NSD1: variants seen among roughly 807,000 people sequenced by gnomAD.
NSD1 encodes nuclear receptor binding SET domain protein 1, also known as histone-lysine N-methyltransferase, H3 lysine-36 specific.
NSD1 carries 26 observed loss-of-function variants against 242.7 expected under a neutral mutation model. The observed-to-expected ratio is 0.11, with a 90% CI of 0.08 to 0.15. The LOEUF is 0.15. NSD1 is among the 10% of genes least tolerant of loss of function. NSD1 has a pLI of 1.00. For missense variants in NSD1, 2,495 were observed against 3,272.8 expected (o/e 0.76, Z 5.80); for synonymous variants, 1,106 against 1,178.1 (o/e 0.94, Z 1.25).
At chr5:177,275,435 CTTTTTTT>C (rs749631943) in intron 17 of NSD1, among the ~76,000 whole-genome samples, 2 of 50,144 alleles carry the variant, frequency 4.0e-5, no homozygotes, top group Admixed American at 3.4e-4. Flanking sequence ...CTTCCCTTGT[CTTTTTTT>C]TTTTTTTTTT....
intron 3 of NSD1, among the ~76,000 whole-genome samples, chr5:177,203,199 A>C (rs1356816462): frequency 6.6e-6 from 1 of 152,106 alleles, no homozygotes; most frequent in Admixed American, 6.6e-5. Context: ...AAAGTGACAA[A>C]TTGTTAAACA....
intron 3 of NSD1, among the ~76,000 whole-genome samples, chr5:177,195,028 A>G (rs750447859): frequency 6.6e-5 from 10 of 151,988 alleles, no homozygotes; most frequent in Non-Finnish European, 1.2e-4. Flanking sequence ...GTGTGTTGGC[A>G]TGCTCCTACA....
intron 3 of NSD1, among the ~76,000 whole-genome samples, chr5:177,203,078 G>A (rs1762623781): frequency 6.6e-6 from 1 of 151,864 alleles, no homozygotes; most frequent in Non-Finnish European, 1.5e-5. Flanking sequence ...TTCTTCCAAA[G>A]GTTATTTGGA....
rs770482812 is a variant in NSD1 at position 177,238,452 on chromosome 5, G to A, written c.4137G>A (p.Pro1379=). ...PQLTLSVPVA[P]EVSPRPALES... ...TGACCTTGTCTGTGCCTGTGGCTCC[G>A]GAAGTCTCTCCACGGCCTGCCCTTG... The change falls in exon 7 of 23, where the codon CCG becomes CCA. Residue 1379 remains proline, a synonymous_variant. Transcript: ENST00000439151. The surrounding 1 kb of genome is among the most constrained non-coding windows in gnomAD (Gnocchi z 4.6). The A allele has an allele frequency of 1.9e-6, 3 of 1,614,116 alleles. No homozygotes were observed. The highest frequency in any genetic ancestry group is 1.1e-5 in the South Asian group (1 of 91,084).
rs1760249871 is a variant in NSD1 at position 177,296,247 on chromosome 5, A to G, written c.*788A>G. ...TTTGTCTGGGCTGTGCAGAGTCTCA[A>G]GATCAGTCCTTGGAGGAGCAGGTGG... On this transcript the variant is annotated 3_prime_UTR_variant, in exon 23 of 23. Transcript: ENST00000439151. The G allele has an allele frequency of 4.3e-6, 1 of 234,504 alleles. No homozygotes were observed. The highest frequency in any genetic ancestry group is 8.4e-6 in the Non-Finnish European group (1 of 118,866). 14.5% of individuals were successfully genotyped at this position (234,504 alleles called of 1,614,324 possible).
At chr5:177,279,610 A>ATTTTTTTTT (rs536478404) in intron 17 of NSD1, among the ~76,000 whole-genome samples, 7 of 95,430 alleles carry the variant, frequency 7.3e-5, no homozygotes, top group African/African-American at 1.2e-4. Context: ...AGCTTTGAAA[A>ATTTTTTTTT]TTTTTTTTTT....
intron 2 of NSD1, among the ~76,000 whole-genome samples, chr5:177,185,806 T>TATATAG (rs1381999212): frequency 1.1e-5 from 1 of 87,766 alleles, no homozygotes; most frequent in African/African-American, 5.1e-5. Flanking sequence ...TATATATATA[T>TATATAG]AAATTTATAT....
intron 12 of NSD1, among the ~76,000 whole-genome samples, chr5:177,255,533 T>C (rs1756359566): frequency 6.6e-6 from 1 of 152,186 alleles, no homozygotes; most frequent in African/African-American, 2.4e-5. Flanking sequence ...TTGTACTGCA[T>C]CTCACAGAGA....
intron 17 of NSD1, among the ~76,000 whole-genome samples, chr5:177,275,246 A>G (rs2127246523): frequency 6.6e-6 from 1 of 152,058 alleles, no homozygotes; most frequent in South Asian, 2.1e-4. Context: ...CAGACCTTCA[A>G]GATCGTGTCT....
intron 5 of NSD1, among the ~76,000 whole-genome samples, chr5:177,231,619 C>G (rs1765064089): frequency 6.6e-6 from 1 of 152,042 alleles, no homozygotes; most frequent in African/African-American, 2.4e-5. Context: ...CGGGGTTTTT[C>G]CATGTTCACA....
chr5:177,247,131 C>G (rs1766362105), intron 10 of NSD1, among the ~76,000 whole-genome samples: 2 of 152,098 alleles, frequency 1.3e-5, no homozygotes. Context: ...AGATACTGTC[C>G]TATAAAAGTT....
At chr5:177,245,634 T>TTC (rs1766217420) in intron 9 of NSD1, among the ~76,000 whole-genome samples, 1 of 146,282 alleles carries the variant, frequency 6.8e-6, no homozygotes, top group South Asian at 2.1e-4. Context: ...ATTTCTTTCT[T>TTC]TTTTTTTTTT....
At chr5:177,153,972 A>G (rs892276176) in intron 2 of NSD1, among the ~76,000 whole-genome samples, 1 of 152,106 alleles carries the variant, frequency 6.6e-6, no homozygotes, top group Admixed American at 6.6e-5. Context: ...ACATTTTGTA[A>G]GGAATCATGG....
upstream of NSD1, among the ~76,000 whole-genome samples, chr5:177,132,577 T>C (rs1159331442): frequency 6.6e-6 from 1 of 151,664 alleles, no homozygotes; most frequent in African/African-American, 2.4e-5. The surrounding 1 kb of genome is among the most constrained non-coding windows in gnomAD (Gnocchi z 7.5). Flanking sequence ...GGGCCCGGGC[T>C]GGGGACTCGG....
In NSD1 at chr5:177,294,901, T is replaced by A. The variant is rs772480145; in HGVS notation, c.7533T>A (p.Asp2511Glu). ...CTGTTGAGAAAGGCTGTGTGTCAGA[T>A]CCTCTTCAGACATCTGGGAAAGCAG... Reference protein sequence around the residue: ...PRAVEKGCVSDPLQTSGKAAA... With the variant: ...PRAVEKGCVSEPLQTSGKAAA... The change falls in exon 23 of 23, where the codon GAT becomes GAA. Residue 2511 changes from aspartate (D) to glutamate (E), a missense_variant. Asp to Glu is a conservative substitution (Grantham distance 45, BLOSUM62 2). Coordinates refer to ENST00000439151, the MANE Select transcript of NSD1 (RefSeq NM_022455.5). The A allele has an allele frequency of 1.2e-6, 2 of 1,614,032 alleles. No individual in the cohort carries two copies. Among genetic ancestry groups the A allele is most frequent in the Non-Finnish European group, 1.7e-6 (2 of 1,179,984 alleles).
intron 2 of NSD1, among the ~76,000 whole-genome samples, chr5:177,153,910 C>T (rs780990252): frequency 2.0e-5 from 3 of 152,232 alleles, no homozygotes; most frequent in South Asian, 2.1e-4. Flanking sequence ...ATCCCTTCTG[C>T]GTAACAGACC....
Position 177,212,004 on chromosome 5 carries a change from A to C in NSD1, c.3605A>C (p.Glu1202Ala). The C allele has an allele frequency of 3.1e-6, 5 of 1,613,882 alleles. No homozygotes were observed. The highest frequency in any genetic ancestry group is 2.7e-5 in the African/African-American group (2 of 75,020). The change falls in exon 5 of 23, where the codon GAG becomes GCG. Residue 1202 changes from glutamate to alanine, a missense_variant. This residue lies in a region of NSD1 where 426 missense variants were observed against 411.4 expected (regional missense o/e 1.04). Transcript: ENST00000439151. ...PSDPVQEGRD[E>A]FPEHRTPSAS... is the part of the protein sequence containing the mutation. ...GACCCTGTGCAGGAGGGGCGGGATG[A>C]GTTTCCAGAGCATAGAACTCCTTCA...
chr5:177,231,640 G>A (rs1334543921), intron 5 of NSD1, among the ~76,000 whole-genome samples: 2 of 151,738 alleles, frequency 1.3e-5, no homozygotes, highest in African/African-American at 4.8e-5. Context: ...GGCTAGTCTC[G>A]AACTCCTGGC....
At chr5:177,274,394 G>A (rs72813172) in intron 17 of NSD1, among the ~76,000 whole-genome samples, 4,566 of 152,220 alleles carry the variant, frequency 0.03, 126 homozygotes, top group South Asian at 0.07. Context: ...AAATGTATTA[G>A]AAATTTTAGT....
Sources: allele counts gnomAD v4.1 joint callset (sites outside exome capture counted in the v4.1 genomes callset), GRCh38; gene constraint gnomAD v4.1.1; regional missense constraint gnomAD v4.1.1; non-coding constraint Gnocchi (gnomAD v3.1); transcripts MANE v1.5; gene names NCBI Gene and HGNC (gene_info 2026-07-23, HGNC 2026-07-21).